The following CAMK2G variants were observed in gnomAD, a reference collection of about 807,000 sequenced individuals.
CAMK2G encodes the protein calcium/calmodulin-dependent protein kinase type II subunit gamma.
CAMK2G carries 23 observed loss-of-function variants against 88.7 expected under a neutral mutation model. The ratio of observed to expected loss-of-function variants is 0.26; its 90% CI spans 0.19 to 0.37. The LOEUF is 0.37. CAMK2G is among the 10% of genes least tolerant of loss of function. The probability of loss-of-function intolerance (pLI) is 1.00; values close to 1 mark genes in which losing one functional copy is unlikely to be tolerated. For synonymous variants in CAMK2G, 263 were observed against 294.8 expected (o/e 0.89, Z 1.11); for missense variants, 476 against 780.8 (o/e 0.61, Z 4.65).
intron 14 of CAMK2G, among the ~76,000 whole-genome samples, chr10:73,835,455 C>G (rs2093079904): frequency 6.6e-6 from 1 of 151,760 alleles, no homozygotes; most frequent in African/African-American, 2.4e-5. Flanking sequence ...CACCACTATG[C>G]CCAGTTAATT....
Position 73,825,426 on chromosome 10 carries a change from C to T in CAMK2G, c.1087-79G>A. On this transcript the variant is annotated intron_variant, in intron 15 of 22. Transcript: ENST00000423381. ...GGTTCAACTCCCAGACCTCCCTTGC[C>T]CCCTGGTCTGGCCTGGAGGAGGTAG... The T allele has an allele frequency of 2.7e-6, 3 of 1,127,110 alleles. No homozygotes were observed. In the South Asian group the frequency reaches 3.7e-5, roughly 14 times the overall value. The allele number at this position is 1,127,110 out of a possible 1,614,324, so 69.8% of individuals were successfully genotyped here.
At chr10:73,827,055 TTCGGG>T (rs1168740349) in intron 15 of CAMK2G, among the ~76,000 whole-genome samples, 37 of 152,062 alleles carry the variant, frequency 2.4e-4, no homozygotes, top group African/African-American at 8.0e-4. Context: ...TGCTGACCTG[TTCGGG>T]GTTGGTTAGA....
At chr10:73,856,053 G>A (rs1328061260) in intron 3 of CAMK2G, among the ~76,000 whole-genome samples, 2 of 152,102 alleles carry the variant, frequency 1.3e-5, no homozygotes, top group Non-Finnish European at 2.9e-5. Context: ...GACCACAGCT[G>A]TGAGCCACCG....
At position 73,814,829 on chromosome 10, in the gene CAMK2G, C is replaced by G. The variant is rs138874690; in HGVS notation, c.*12+174G>C. Reference sequence around the variant, plus strand: ...CAATTTGGAGTCACGGAGCCAGACCCTAGTCTGTCTGATTTCCAAGCATAA... The same window carrying G: ...CAATTTGGAGTCACGGAGCCAGACCGTAGTCTGTCTGATTTCCAAGCATAA... On this transcript the variant is annotated intron_variant, in intron 22 of 22. Transcript: ENST00000423381. 1.6e-3 allele frequency: 929 copies of G among 597,238 alleles called. 4 individuals are homozygous for G. In the African/African-American group the frequency reaches 0.016, roughly 10 times the overall value. 37.0% of individuals were successfully genotyped at this position (597,238 alleles called of 1,614,324 possible).
rs1379646893 is a variant in CAMK2G at position 73,825,349 on chromosome 10, T to C, written c.1087-2A>G. On this transcript the variant is annotated splice_acceptor_variant, in intron 15 of 22. Coordinates refer to ENST00000423381, the MANE Select transcript of CAMK2G (RefSeq NM_001367534.1). LOFTEE classifies it high-confidence loss of function. ...ACTGTTTTTGTTGTTGCTCTGTGGC[T>C]GAGACAAGAAAACAGATGGTTTAGT... 2 of 1,613,260 alleles carry C rather than the reference T, an allele frequency of 1.2e-6. No homozygotes were observed. The highest frequency in any genetic ancestry group is 2.2e-5 in the South Asian group (2 of 91,064).
intron 18 of CAMK2G, among the ~76,000 whole-genome samples, chr10:73,820,778 T>G (rs1410114126): frequency 1.3e-5 from 2 of 150,062 alleles, no homozygotes; most frequent in Non-Finnish European, 3.0e-5. Flanking sequence ...GTTCAAGCGA[T>G]TCTCCCACCT....
chr10:73,871,986 G>A (rs2095848678), intron 2 of CAMK2G, among the ~76,000 whole-genome samples: 1 of 152,182 alleles, frequency 6.6e-6, no homozygotes, highest in African/African-American at 2.4e-5. Context: ...CAGGGCATGT[G>A]TCCTGGCTCC....
chr10:73,861,322 C>A (rs2095362309), intron 2 of CAMK2G, among the ~76,000 whole-genome samples: 1 of 152,194 alleles, frequency 6.6e-6, no homozygotes, highest in Non-Finnish European at 1.5e-5. Context: ...CTCTTTCCAC[C>A]ACAACAGGGT....
chr10:73,858,796 GAAAT>G (rs2095226079), intron 3 of CAMK2G, among the ~76,000 whole-genome samples: 1 of 152,196 alleles, frequency 6.6e-6, no homozygotes. Flanking sequence ...TTTAATTCTA[GAAAT>G]AAATAAAAAG....
At chr10:73,844,049 G>C (rs1260374484) in intron 10 of CAMK2G, among the ~76,000 whole-genome samples, 1 of 151,890 alleles carries the variant, frequency 6.6e-6, no homozygotes, top group Non-Finnish European at 1.5e-5. Context: ...CTCTGGACTA[G>C]ATTCTTCTCT....
chr10:73,816,747 C>T, intron 21 of CAMK2G: 7 of 1,395,974 alleles, frequency 5.0e-6, no homozygotes, highest in Non-Finnish European at 6.6e-6. Context: ...GCGTAAGCCA[C>T]CGCGCCCGGC....
chr10:73,824,723 G>C (rs1378120978), intron 16 of CAMK2G, among the ~76,000 whole-genome samples: 2 of 152,176 alleles, frequency 1.3e-5, no homozygotes, highest in Non-Finnish European at 2.9e-5. Flanking sequence ...GCCACCACTA[G>C]CAGAGGGACC....
At chr10:73,858,004 C>T (rs1212624501) in intron 3 of CAMK2G, among the ~76,000 whole-genome samples, 1 of 152,234 alleles carries the variant, frequency 6.6e-6, no homozygotes. Flanking sequence ...GTCTCCTCCA[C>T]CATCAACATC....
At chr10:73,852,575 A>C in intron 4 of CAMK2G, 1 of 507,630 alleles carries the variant, frequency 2.0e-6, no homozygotes, top group Non-Finnish European at 3.5e-6. Flanking sequence ...TCAGGCAGAG[A>C]TGAAGATACA....
intron 3 of CAMK2G, among the ~76,000 whole-genome samples, chr10:73,858,061 C>T (rs149787261): frequency 1.1e-4 from 17 of 152,332 alleles, no homozygotes; most frequent in East Asian, 3.9e-4. Flanking sequence ...CCCACATTGA[C>T]TCATCATCAT....
intron 19 of CAMK2G, among the ~76,000 whole-genome samples, chr10:73,819,165 C>G (rs2086835128): frequency 6.6e-6 from 1 of 152,150 alleles, no homozygotes; most frequent in African/African-American, 2.4e-5. Context: ...CAACACAGTT[C>G]CTCGCTGTCA....
intron 15 of CAMK2G, among the ~76,000 whole-genome samples, chr10:73,827,597 T>C (rs890547933): frequency 2.0e-5 from 3 of 152,080 alleles, no homozygotes; most frequent in African/African-American, 7.2e-5. Flanking sequence ...GTGGGCAGAA[T>C]AAACCACTGG....
At chr10:73,831,866 CAAAA>C (rs957427855) in intron 14 of CAMK2G, among the ~76,000 whole-genome samples, 1 of 148,808 alleles carries the variant, frequency 6.7e-6, no homozygotes, top group East Asian at 2.0e-4. Context: ...TCTCAAAAAA[CAAAA>C]AAAAAGATAT....
chr10:73,818,538 A>G (rs138217907), intron 19 of CAMK2G: 4 of 369,136 alleles, frequency 1.1e-5, no homozygotes, highest in African/African-American at 2.1e-5. Flanking sequence ...GACAACTGCA[A>G]GCGTTAGAAC....
Sources: allele counts gnomAD v4.1 joint callset (sites outside exome capture counted in the v4.1 genomes callset), GRCh38; gene constraint gnomAD v4.1.1; transcripts MANE v1.5; gene names NCBI Gene and HGNC (gene_info 2026-07-23, HGNC 2026-07-21).